CTIF: variants seen among roughly 807,000 people sequenced by gnomAD.
CTIF encodes CBP80/20-dependent translation initiation factor.
In CTIF, 21 loss-of-function variants were observed where a neutral mutation model predicts 66.0. That is an observed-to-expected ratio of 0.32 (90% CI 0.23 to 0.46). The LOEUF is 0.46. Among genes scored for constraint, CTIF ranks in the 20% least tolerant of loss-of-function variants. The probability of loss-of-function intolerance (pLI) is 1.00; values close to 1 mark genes in which losing one functional copy is unlikely to be tolerated. For missense variants in CTIF, 739 were observed against 812.7 expected (o/e 0.91, Z 1.10); for synonymous variants, 345 against 326.4 (o/e 1.06, Z -0.62).
chr18:48,667,722 C>T (rs1412979779), intron 5 of CTIF, among the ~76,000 whole-genome samples: 1 of 152,222 alleles, frequency 6.6e-6, no homozygotes, highest in Non-Finnish European at 1.5e-5. Context: ...ATTCCTCGGC[C>T]AGTCTCACTT....
At chr18:48,745,766 A>G (rs1199846457) in intron 7 of CTIF, among the ~76,000 whole-genome samples, 2 of 152,232 alleles carry the variant, frequency 1.3e-5, no homozygotes, top group African/African-American at 4.8e-5. Context: ...AAGGTTCTAG[A>G]CAAAGAAACT....
chr18:48,630,591 T>G (rs2090685277), intron 2 of CTIF, among the ~76,000 whole-genome samples: 1 of 152,114 alleles, frequency 6.6e-6, no homozygotes. Context: ...AATTTGCTTG[T>G]GGGTGCAGTT....
intron 7 of CTIF, among the ~76,000 whole-genome samples, chr18:48,722,060 G>A (rs16949878): frequency 0.024 from 3,658 of 152,244 alleles, 48 homozygotes; most frequent in Middle Eastern, 0.071. Flanking sequence ...AATAACCAGT[G>A]TCTCGTGTAT....
At chr18:48,560,033 T>A (rs897800778) in intron 1 of CTIF, among the ~76,000 whole-genome samples, 2 of 151,686 alleles carry the variant, frequency 1.3e-5, no homozygotes, top group South Asian at 4.2e-4. Context: ...ACCACAAAAG[T>A]GAATGGCCCA....
chr18:48,764,118 C>A (rs777020672), intron 9 of CTIF, among the ~76,000 whole-genome samples: 1 of 152,212 alleles, frequency 6.6e-6, no homozygotes, highest in Non-Finnish European at 1.5e-5. Flanking sequence ...GCACCTCCCC[C>A]TGAAGCATCT....
chr18:48,727,216 G>A (rs1367070472), intron 7 of CTIF, among the ~76,000 whole-genome samples: 1 of 152,168 alleles, frequency 6.6e-6, no homozygotes, highest in Non-Finnish European at 1.5e-5. Context: ...TAGCAGTTCT[G>A]AAATCCAGCC....
intron 9 of CTIF, among the ~76,000 whole-genome samples, chr18:48,813,852 T>G (rs918090202): frequency 1.3e-5 from 2 of 152,190 alleles, no homozygotes; most frequent in Admixed American, 6.5e-5. Flanking sequence ...TTTCACCCAG[T>G]CTCCTCCTGC....
intron 10 of CTIF, among the ~76,000 whole-genome samples, chr18:48,824,939 G>T (rs1439850110): frequency 2.6e-5 from 4 of 152,194 alleles, no homozygotes; most frequent in African/African-American, 7.2e-5. Flanking sequence ...ACTGCACCCA[G>T]CCAAGCAGGG....
At chr18:48,766,181 C>A (rs1217680434) in intron 9 of CTIF, among the ~76,000 whole-genome samples, 1 of 146,712 alleles carries the variant, frequency 6.8e-6, no homozygotes, top group African/African-American at 2.5e-5. Context: ...GGTTCTCAAA[C>A]CGGAATGTGC....
intron 7 of CTIF, among the ~76,000 whole-genome samples, chr18:48,734,718 C>T (rs2092484978): frequency 6.6e-6 from 1 of 152,144 alleles, no homozygotes; most frequent in South Asian, 2.1e-4. Flanking sequence ...ACCTCATGAC[C>T]CCAGGGTGGT....
chr18:48,764,111 C>T (rs117069773), intron 9 of CTIF, among the ~76,000 whole-genome samples: 186 of 152,260 alleles, frequency 1.2e-3, no homozygotes, highest in Non-Finnish European at 2.1e-3. Flanking sequence ...TGAGCATGCA[C>T]CTCCCCCTGA....
intron 9 of CTIF, among the ~76,000 whole-genome samples, chr18:48,806,355 T>C (rs1429234616): frequency 6.6e-6 from 1 of 152,142 alleles, no homozygotes; most frequent in African/African-American, 2.4e-5. Context: ...TGTATCCAGC[T>C]TCTCAAGGAA....
chr18:48,717,426 T>G (rs547593839), intron 7 of CTIF, among the ~76,000 whole-genome samples: 108 of 150,178 alleles, frequency 7.2e-4, no homozygotes, highest in Non-Finnish European at 1.2e-3. Flanking sequence ...AATAAATAAA[T>G]AAATAAATAA....
At chr18:48,665,061 C>A (rs1018766382) in intron 5 of CTIF, among the ~76,000 whole-genome samples, 1 of 151,618 alleles carries the variant, frequency 6.6e-6, no homozygotes, top group Non-Finnish European at 1.5e-5. Flanking sequence ...ACTACAGGCG[C>A]CCGCCACCGC....
intron 6 of CTIF, among the ~76,000 whole-genome samples, chr18:48,678,661 T>A (rs2091684871): frequency 6.6e-6 from 1 of 151,850 alleles, no homozygotes; most frequent in South Asian, 2.1e-4. Flanking sequence ...ACTGGGAAAG[T>A]TCCTCGGGAA....
intron 10 of CTIF, among the ~76,000 whole-genome samples, chr18:48,830,388 T>C (rs1000045620): frequency 6.6e-6 from 1 of 152,160 alleles, no homozygotes; most frequent in Admixed American, 6.5e-5. Flanking sequence ...GATCTCAAAC[T>C]CCTGACCTCA....
At chr18:48,690,540 C>A (rs1439376833) in intron 6 of CTIF, among the ~76,000 whole-genome samples, 1 of 152,188 alleles carries the variant, frequency 6.6e-6, no homozygotes, top group East Asian at 1.9e-4. Flanking sequence ...GCACACTGGA[C>A]TAGCTGTGGA....
At chr18:48,636,546 G>T in intron 2 of CTIF, 68 bp from the exon 3 acceptor site, 1 of 1,220,250 alleles carries the variant, frequency 8.2e-7, no homozygotes, top group Middle Eastern at 2.1e-4. Context: ...CACAACTCCT[G>T]CAGCCTGGCA....
intron 7 of CTIF, among the ~76,000 whole-genome samples, chr18:48,749,827 G>A (rs1274015962): frequency 1.3e-5 from 2 of 152,198 alleles, no homozygotes; most frequent in African/African-American, 2.4e-5. Flanking sequence ...GAACTACTGT[G>A]AAGCTCGGGG....
Sources: allele counts gnomAD v4.1 joint callset (sites outside exome capture counted in the v4.1 genomes callset), GRCh38; gene constraint gnomAD v4.1.1; transcripts MANE v1.5; gene names NCBI Gene and HGNC (gene_info 2026-07-23, HGNC 2026-07-21).